The following PLA2G4F variants were observed in gnomAD, a reference collection of about 807,000 sequenced individuals.
PLA2G4F encodes cytosolic phospholipase A2 zeta.
In PLA2G4F, 105 loss-of-function variants were observed where a neutral mutation model predicts 103.1. That is an observed-to-expected ratio of 1.02 (90% CI 0.87 to 1.20). The LOEUF (loss-of-function observed/expected upper bound fraction) is 1.20, where lower values mean the gene tolerates loss of function less well. PLA2G4F is among the 50% of genes most tolerant of loss of function. The pLI is 0.00. For missense variants in PLA2G4F, 1,155 were observed against 1,075.9 expected (o/e 1.07, Z -1.03); for synonymous variants, 468 against 441.1 (o/e 1.06, Z -0.76).
Position 42,154,473 on chromosome 15 carries a change from G to C in PLA2G4F, c.185-15C>G, listed in dbSNP as rs747911427. 6.5e-7 allele frequency: 1 copy of C among 1,547,010 alleles called. No homozygotes were observed. The highest frequency in any genetic ancestry group is 2.3e-5 in the East Asian group (1 of 44,004). On this transcript the variant is annotated splice_polypyrimidine_tract_variant and intron_variant, in intron 2 of 19. Transcript: ENST00000397272. ...GGCTTTGGACACTGCAGGTAGGACA[G>C]GGAGGGGCCGGGGCCTCAAGCTCTC...
chr15:42,150,819 G>A, intron 7 of PLA2G4F, 42 bp from the exon 8 acceptor site: 1 of 1,583,650 alleles, frequency 6.3e-7, no homozygotes. Context: ...GTGAGGGGGT[G>A]GGTCTGTGTC....
At position 42,150,490 on chromosome 15, in the gene PLA2G4F, T is replaced by C. The variant is rs1566880762; in HGVS notation, c.772-4A>G. On this transcript the variant is annotated splice_region_variant and splice_polypyrimidine_tract_variant and intron_variant, in intron 8 of 19. Coordinates refer to ENST00000397272, the MANE Select transcript of PLA2G4F (RefSeq NM_213600.4). Reference sequence around the variant, plus strand: ...CCAACTCTGCGCTGGGGCCACTCTGTGGAAAAGAAAACACCCAAGAAGCTC... The same window carrying C: ...CCAACTCTGCGCTGGGGCCACTCTGCGGAAAAGAAAACACCCAAGAAGCTC... 6.2e-7 allele frequency: 1 copy of C among 1,610,296 alleles called. No individual in the cohort carries two copies. The highest frequency in any genetic ancestry group is 8.5e-7 in the Non-Finnish European group (1 of 1,178,746).
intron 16 of PLA2G4F, 46 bp downstream of exon 16, chr15:42,145,529 G>T: frequency 6.4e-7 from 1 of 1,557,062 alleles, no homozygotes; most frequent in Non-Finnish European, 8.8e-7. Context: ...CCAGGGCCCT[G>T]TTGCTGGAAT....
At chr15:42,155,434 A>T (rs1595626249) in intron 2 of PLA2G4F, 83 bp downstream of exon 2, 1 of 1,414,408 alleles carries the variant, frequency 7.1e-7, no homozygotes, top group Non-Finnish European at 1.0e-6. Flanking sequence ...ACACACACAC[A>T]CTCTCTGTTA....
Position 42,147,111 on chromosome 15 carries a change from G to T in PLA2G4F, c.1419+13C>A. The T allele has an allele frequency of 6.2e-7, 1 of 1,608,354 alleles. No homozygotes were observed. ...AGAGGAGCCTACGTATTTCCTTCTG[G>T]CTCTTCTCTCACCTCCTGGTACAGG... On this transcript the variant is annotated intron_variant, in intron 13 of 19. Transcript: ENST00000397272.
At chr15:42,146,491 C>T (rs1270710881) in intron 13 of PLA2G4F, among the ~76,000 whole-genome samples, 1 of 152,194 alleles carries the variant, frequency 6.6e-6, no homozygotes, top group East Asian at 1.9e-4. Flanking sequence ...TTCAAAACAG[C>T]GTATCAGAAC....
chr15:42,150,527 A>G, intron 8 of PLA2G4F, 41 bp from the exon 9 acceptor site: 2 of 1,602,292 alleles, frequency 1.2e-6, no homozygotes, highest in South Asian at 2.2e-5. Context: ...CCAGCAGGGA[A>G]GAAAAGTCTC....
rs974755381 is a variant in PLA2G4F at position 42,141,564 on chromosome 15, C to T, written c.*420G>A. The T allele has an allele frequency of 2.2e-6, 1 of 459,242 alleles. No individual in the cohort carries two copies. The highest frequency in any genetic ancestry group is 2.0e-5 in the African/African-American group (1 of 50,112). 28.4% of individuals were successfully genotyped at this position (459,242 alleles called of 1,614,324 possible). The stretch of plus-strand genomic sequence containing the variant: ...GCAGGAAGTGTGGATGGATGCATCT[C>T]TGCTTTCCATCTCAGTGTAAGGAGG... On this transcript the variant is annotated 3_prime_UTR_variant, in exon 20 of 20. Coordinates refer to ENST00000397272, the MANE Select transcript of PLA2G4F (RefSeq NM_213600.4).
chr15:42,144,073 A>G lies in PLA2G4F; in HGVS notation c.2047T>C (p.Phe683Leu). The G allele has an allele frequency of 6.2e-7, 1 of 1,614,012 alleles. No individual in the cohort carries two copies. The highest frequency in any genetic ancestry group is 8.5e-7 in the Non-Finnish European group (1 of 1,179,978). The stretch of plus-strand genomic sequence containing the variant: ...AGTGGGAACGGAGAGTTGATGGCAA[A>G]GCCTCCGTCCACCAGGTACAGGCAG... ...RDCLYLVDGG[F>L]AINSPFPLAL... Residue 683 changes from phenylalanine (F) to leucine (L), a missense_variant, in exon 18 of 20, where the codon TTT (phenylalanine) becomes CTT (leucine). Phe to Leu is a conservative substitution (Grantham distance 22). This residue lies in a region of PLA2G4F where 782 missense variants were observed against 692.9 expected (regional missense o/e 1.13). Coordinates refer to ENST00000397272, the MANE Select transcript of PLA2G4F (RefSeq NM_213600.4).
Position 42,147,308 on chromosome 15 carries a change from T to G in PLA2G4F, c.1235A>C (p.Gln412Pro). Residue 412 changes from glutamine (Q) to proline (P), a missense_variant, in exon 13 of 20, where the codon CAG becomes CCG. Around this residue, in one of 3 missense-constraint regions of PLA2G4F, gnomAD observed 782 missense variants for 692.9 expected, o/e 1.13. Coordinates refer to ENST00000397272, the MANE Select transcript of PLA2G4F (RefSeq NM_213600.4). The stretch of plus-strand genomic sequence containing the variant: ...CTCAATGGGGCCCTGCAAGGCCACC[T>G]GGGACCAGGCTGGGTCCCTGTAGAG... ...STLYRDPAWS[Q>P]VALQGPIERA... is the part of the protein sequence containing the mutation. 1 of 1,609,876 alleles carries G rather than the reference T, an allele frequency of 6.2e-7. No homozygotes were observed. Among genetic ancestry groups the G allele is most frequent in the Non-Finnish European group, 8.5e-7 (1 of 1,179,938 alleles).
In PLA2G4F at chr15:42,141,723, G is replaced by T. The variant is rs1415346585; in HGVS notation, c.*261C>A. ...CTCCACACCCCGCTGTGAAATGAGT[G>T]CTGTTCTCTTCTGCCCTACATCCCC... On this transcript the variant is annotated 3_prime_UTR_variant, in exon 20 of 20. Coordinates refer to ENST00000397272, the MANE Select transcript of PLA2G4F (RefSeq NM_213600.4). 3 of 604,372 alleles carry T rather than the reference G, an allele frequency of 5.0e-6. No individual in the cohort carries two copies. The highest frequency in any genetic ancestry group is 9.2e-6 in the Non-Finnish European group (3 of 324,824). 37.4% of individuals were successfully genotyped at this position (604,372 alleles called of 1,614,324 possible).
intron 11 of PLA2G4F, chr15:42,148,703 G>T (rs945248048): frequency 5.1e-6 from 5 of 985,280 alleles, no homozygotes; most frequent in Admixed American, 6.1e-5. Context: ...AGGTTTTAAG[G>T]TCTCAGGATC....
rs2048879022 is a variant in PLA2G4F, at chr15:42,145,883, A to G, written c.1555T>C (p.Tyr519His). The G allele has an allele frequency of 6.2e-7, 1 of 1,614,050 alleles. No individual in the cohort carries two copies. Among genetic ancestry groups the G allele is most frequent in the Non-Finnish European group, 8.5e-7 (1 of 1,180,024 alleles). The stretch of plus-strand genomic sequence containing the variant: ...CCGTACTTGGGGAAGCCAACCTCAT[A>G]GGGCGTGAACTCGCACCACTCTAGG... ...DFAEWCEFTP[Y>H]EVGFPKYGAY... The change falls in exon 15 of 20, where the codon TAT becomes CAT. Residue 519 changes from tyrosine to histidine, a missense_variant. Coordinates refer to ENST00000397272, the MANE Select transcript of PLA2G4F (RefSeq NM_213600.4).
At position 42,146,123 on chromosome 15, in the gene PLA2G4F, G is replaced by T. The variant is rs1332696573; in HGVS notation, c.1534+4C>A. ...CTCCTTCCTTCGTCTCCACACCCAGGCACCTGCAAAATCTTCCCCACTCAA... is the reference window on the plus strand; with the variant it reads ...CTCCTTCCTTCGTCTCCACACCCAGTCACCTGCAAAATCTTCCCCACTCAA... On this transcript the variant is annotated splice_donor_region_variant and intron_variant, in intron 14 of 19. Transcript: ENST00000397272. The T allele has an allele frequency of 6.2e-7, 1 of 1,613,554 alleles. No homozygotes were observed. Among genetic ancestry groups the T allele is most frequent in the Non-Finnish European group, 8.5e-7 (1 of 1,179,574 alleles).
Position 42,144,599 on chromosome 15 carries a change from G to A in PLA2G4F, c.1826C>T (p.Thr609Met), listed in dbSNP as rs141500061. The A allele has an allele frequency of 1.5e-5, 24 of 1,611,914 alleles. No homozygotes were observed. In the African/African-American group the frequency reaches 1.6e-4, roughly 11 times the overall value. ...GGGCCCCTGTGGGGTGAGGAGCCTC[G>A]TTCGCAGCCTCGAGGGGTTGTGCAG... ...PQLHNPSRLR[T>M]RLLTPQGPFS... The change falls in exon 17 of 20, where the codon ACG becomes ATG. Residue 609 changes from threonine to methionine, a missense_variant. Thr to Met is a moderately conservative substitution (Grantham distance 81). Coordinates refer to ENST00000397272, the MANE Select transcript of PLA2G4F (RefSeq NM_213600.4).
chr15:42,155,219 G>A (rs2049003887), intron 2 of PLA2G4F, among the ~76,000 whole-genome samples: 1 of 150,248 alleles, frequency 6.7e-6, no homozygotes, highest in South Asian at 2.1e-4. Context: ...TCACACACTC[G>A]CTCACACTTG....
chr15:42,152,811 A>T, intron 6 of PLA2G4F, 57 bp from the exon 7 acceptor site: 2 of 1,507,700 alleles, frequency 1.3e-6, no homozygotes, highest in South Asian at 2.4e-5. Flanking sequence ...GCCAGGATGG[A>T]GAGAGGGAGG....
chr15:42,141,808 C>T lies in PLA2G4F; in HGVS notation c.*176G>A, dbSNP rs936718529. On this transcript the variant is annotated 3_prime_UTR_variant, in exon 20 of 20. Coordinates refer to ENST00000397272, the MANE Select transcript of PLA2G4F (RefSeq NM_213600.4). ...CCAAAAACACACAAGGAGAGCCCTG[C>T]CCCAGTCCAAGCTGCAATTCTGCAA... 1.8e-5 allele frequency: 12 copies of T among 654,290 alleles called. No individual in the cohort carries two copies. The highest frequency in any genetic ancestry group is 1.3e-4 in the Admixed American group (5 of 37,748). 40.5% of individuals were successfully genotyped at this position (654,290 alleles called of 1,614,324 possible). A position where few individuals can be genotyped will look rare whatever the true frequency, so the allele number is the denominator to read the frequency against.
At chr15:42,142,293 A>G (rs1164681314) in intron 19 of PLA2G4F, 89 bp from the exon 20 acceptor site, 2 of 1,331,064 alleles carry the variant, frequency 1.5e-6, no homozygotes, top group Non-Finnish European at 2.0e-6. Context: ...TGTGCAGGAC[A>G]CCTGGCTGGC....
Sources: allele counts gnomAD v4.1 joint callset (sites outside exome capture counted in the v4.1 genomes callset), GRCh38; gene constraint gnomAD v4.1.1; regional missense constraint gnomAD v4.1.1; transcripts MANE v1.5; gene names NCBI Gene and HGNC (gene_info 2026-07-23, HGNC 2026-07-21).